MYO1H: variants seen among roughly 807,000 people sequenced by gnomAD.
MYO1H encodes the protein unconventional myosin-Ih.
Under a neutral mutation model 149.3 loss-of-function variants are expected in MYO1H, and 118 were observed. That is an observed-to-expected ratio of 0.79 (90% CI 0.68 to 0.92). The LOEUF (loss-of-function observed/expected upper bound fraction) is 0.92, where lower values mean the gene tolerates loss of function less well. Ranked by LOEUF, MYO1H falls within the 40% of genes least tolerant of loss-of-function variation. The pLI is 0.00. For missense variants in MYO1H, 1,212 were observed against 1,280.7 expected (o/e 0.95, Z 0.82); for synonymous variants, 447 against 465.2 (o/e 0.96, Z 0.50).
chr12:109,388,783 A>G (rs764045020), exon 2 of MYO1H: 1 of 1,613,288 alleles, frequency 6.2e-7, no homozygotes, highest in Non-Finnish European at 8.5e-7. Context: ...TTGGACGCGT[A>G]CACCAGCGAA....
intron 9 of MYO1H, among the ~76,000 whole-genome samples, 192 bp from the exon 10 acceptor site, chr12:109,407,600 CAA>C (rs776897477): frequency 0.19 from 12,971 of 67,716 alleles, 331 homozygotes; most frequent in Middle Eastern, 0.34. Flanking sequence ...CACATTTCTA[CAA>C]AAAAAAAAAA....
intron 1 of MYO1H, among the ~76,000 whole-genome samples, chr12:109,350,983 G>A (rs1006585533): frequency 9.5e-6 from 1 of 105,496 alleles, no homozygotes; most frequent in South Asian, 2.7e-4. Context: ...TAGATTTATG[G>A]AACAACCACC....
At chr12:109,350,508 C>G (rs896984661) in intron 1 of MYO1H, among the ~76,000 whole-genome samples, 2 of 152,204 alleles carry the variant, frequency 1.3e-5, no homozygotes, top group African/African-American at 4.8e-5. Flanking sequence ...CTTTCACCTT[C>G]CACCGAGGTT....
chr12:109,335,727 ATCTC>A, the MYO1H span, among the ~76,000 whole-genome samples: 2 of 152,154 alleles, frequency 1.3e-5, no homozygotes, highest in Non-Finnish European at 2.9e-5. Flanking sequence ...GCCATCTTTT[ATCTC>A]TCTTAGTAAA....
At chr12:109,396,857 C>G (rs1255187069) in intron 4 of MYO1H, among the ~76,000 whole-genome samples, 1 of 105,158 alleles carries the variant, frequency 9.5e-6, no homozygotes, top group Non-Finnish European at 1.7e-5. Context: ...GACGGAGTCT[C>G]TCTCCGTCAC....
At chr12:109,320,869 C>CACG in the MYO1H span, among the ~76,000 whole-genome samples, 1 of 151,952 alleles carries the variant, frequency 6.6e-6, no homozygotes, top group Non-Finnish European at 1.5e-5. Context: ...GCGGGTGGAT[C>CACG]ACGAGGTCAA....
At chr12:109,329,773 A>G in the MYO1H span, among the ~76,000 whole-genome samples, 1 of 152,170 alleles carries the variant, frequency 6.6e-6, no homozygotes, top group Non-Finnish European at 1.5e-5. Context: ...AACCTCATAC[A>G]TCATGTGCCA....
intron 2 of MYO1H, among the ~76,000 whole-genome samples, chr12:109,393,101 C>T (rs2137038183): frequency 6.6e-6 from 1 of 152,284 alleles, no homozygotes; most frequent in Non-Finnish European, 1.5e-5. Context: ...ATCCACCGCG[C>T]CCGGCCATGT....
At chr12:109,411,861 CT>C (rs1468339865) in intron 13 of MYO1H, 32 bp from the exon 14 acceptor site, 3 of 1,478,116 alleles carry the variant, frequency 2.0e-6, no homozygotes, top group Non-Finnish European at 2.8e-6. Flanking sequence ...GAGTGTGGTG[CT>C]GTGGATTGAG....
chr12:109,411,910 G>T (rs758783614), exon 14 of MYO1H: 1 of 1,605,202 alleles, frequency 6.2e-7, no homozygotes, highest in Non-Finnish European at 8.5e-7. Context: ...GAATGCATTC[G>T]GCCTGGTCCT....
the MYO1H span, among the ~76,000 whole-genome samples, chr12:109,312,236 G>A: frequency 1.3e-5 from 2 of 151,802 alleles, no homozygotes. Context: ...TTTTTGAGAT[G>A]GAGTCTCGCT....
At chr12:109,349,969 A>AG (rs1264307736) in intron 1 of MYO1H, among the ~76,000 whole-genome samples, 1 of 148,828 alleles carries the variant, frequency 6.7e-6, no homozygotes, top group African/African-American at 2.5e-5. Flanking sequence ...TTGAAAAAAA[A>AG]AAAAAGTTAA....
chr12:109,313,358 G>GTT, the MYO1H span, among the ~76,000 whole-genome samples: 151 of 152,330 alleles, frequency 9.9e-4, 1 homozygote, highest in African/African-American at 3.5e-3. Context: ...AAGATGTACA[G>GTT]TTCCGTGGCA....
rs754409402 is a variant in MYO1H, at chr12:109,415,504, C to T, written c.1503-22C>T. 14 of 1,579,170 alleles carry T rather than the reference C, an allele frequency of 8.9e-6. No individual in the cohort carries two copies. In the Admixed American group the frequency reaches 2.4e-4, roughly 27 times the overall value. On this transcript the variant is annotated intron_variant, in intron 14 of 31. Coordinates refer to ENST00000310903, the Ensembl canonical transcript of MYO1H. ...AAAGAAAAGAAAAGAAAGTTCAACTCGTGTCTATTTCTGTCTCGTAGCCGT... is the reference window on the plus strand; with the variant it reads ...AAAGAAAAGAAAAGAAAGTTCAACTTGTGTCTATTTCTGTCTCGTAGCCGT...
At chr12:109,365,563 C>T (rs917262216) in intron 1 of MYO1H, among the ~76,000 whole-genome samples, 13 of 152,322 alleles carry the variant, frequency 8.5e-5, no homozygotes, top group Middle Eastern at 3.4e-3. Context: ...GGAGCACAGG[C>T]TCTGGAGTTC....
At chr12:109,379,244 G>A (rs903412647) in intron 1 of MYO1H, among the ~76,000 whole-genome samples, 8 of 152,166 alleles carry the variant, frequency 5.3e-5, no homozygotes, top group Non-Finnish European at 1.0e-4. Context: ...CTGACTTAGG[G>A]GTTAGATCAG....
chr12:109,430,603 T>G (rs750091078), intron 19 of MYO1H, among the ~76,000 whole-genome samples: 4 of 152,186 alleles, frequency 2.6e-5, no homozygotes, highest in Non-Finnish European at 5.9e-5. Flanking sequence ...CTCGATACCC[T>G]TAAAGAACAT....
chr12:109,375,939 A>C (rs1869078452), intron 1 of MYO1H, among the ~76,000 whole-genome samples: 1 of 152,202 alleles, frequency 6.6e-6, no homozygotes, highest in South Asian at 2.1e-4. Flanking sequence ...TAATAGCACC[A>C]CTACACTTCG....
chr12:109,344,754 G>A (rs530620939), upstream of MYO1H, among the ~76,000 whole-genome samples: 1 of 152,278 alleles, frequency 6.6e-6, no homozygotes, highest in South Asian at 2.1e-4. Context: ...TACAAAGACT[G>A]TGAGGTACGG....
Sources: gnomAD v4.1 joint callset for allele counts (sites outside exome capture counted in the v4.1 genomes callset) on GRCh38, gnomAD v4.1.1 for gene constraint, MANE v1.5 for transcripts, NCBI Gene and HGNC (gene_info 2026-07-23, HGNC 2026-07-21) for gene names.